The following CLVS1 variants were observed in gnomAD, a reference collection of about 807,000 sequenced individuals.
CLVS1 encodes clavesin 1.
Under a neutral mutation model 33.1 loss-of-function variants are expected in CLVS1, and 10 were observed. The ratio of observed to expected loss-of-function variants is 0.30; its 90% CI spans 0.19 to 0.51. The LOEUF is 0.51. CLVS1 is among the 20% of genes least tolerant of loss of function. The probability of loss-of-function intolerance (pLI) is 0.97; values close to 1 mark genes in which losing one functional copy is unlikely to be tolerated. For missense variants in CLVS1, 343 were observed against 433.4 expected, an observed-to-expected ratio of 0.79 and a Z score of 1.85; for synonymous variants, 163 against 166.1, an observed-to-expected ratio of 0.98 and a Z score of 0.14.
At chr8:61,469,078 G>A (rs973811530) in intron 5 of CLVS1, among the ~76,000 whole-genome samples, 1 of 152,178 alleles carries the variant, frequency 6.6e-6, no homozygotes, top group African/African-American at 2.4e-5. Context: ...CCAGGAGAGA[G>A]CAATGGCCAG....
chr8:61,219,399 T>G (rs1808162906), intron 2 of CLVS1, among the ~76,000 whole-genome samples: 1 of 152,194 alleles, frequency 6.6e-6, no homozygotes, highest in African/African-American at 2.4e-5. Flanking sequence ...ACATGTGGTG[T>G]TTGATTTTCT....
chr8:61,261,975 C>G, intron 2 of CLVS1, among the ~76,000 whole-genome samples: 1 of 111,054 alleles, frequency 9.0e-6, no homozygotes, highest in African/African-American at 3.3e-5. Flanking sequence ...CTCATTGCTG[C>G]GTGTGTGTGT....
chr8:61,059,703 C>G (rs527588376), intron 1 of CLVS1, among the ~76,000 whole-genome samples: 8 of 150,580 alleles, frequency 5.3e-5, no homozygotes, highest in African/African-American at 2.0e-4. Context: ...CCCAGCTACT[C>G]GGGAGGCTGA....
intron 5 of CLVS1, among the ~76,000 whole-genome samples, chr8:61,481,245 GTTCCAAGATGGCTAAATATGAGCAGC>G (rs1554579476): frequency 2.6e-5 from 4 of 152,128 alleles, no homozygotes; most frequent in Non-Finnish European, 5.9e-5. Context: ...ATAGGGGGAG[GTTCCAAGATGGCTAAATATGAGCAGC>G]TCCAGTCTGC....
At chr8:61,489,401 T>G (rs1803993117) in intron 5 of CLVS1, among the ~76,000 whole-genome samples, 1 of 152,212 alleles carries the variant, frequency 6.6e-6, no homozygotes. Flanking sequence ...CCGTTCTAGT[T>G]CCACAACTTA....
intron 3 of CLVS1, among the ~76,000 whole-genome samples, chr8:61,421,038 G>C (rs1815642739): frequency 6.6e-6 from 1 of 152,146 alleles, no homozygotes; most frequent in South Asian, 2.1e-4. Context: ...TATGCAAGTT[G>C]AGAGAAATAG....
chr8:61,253,206 T>C (rs371171874), intron 2 of CLVS1, among the ~76,000 whole-genome samples: 3 of 152,168 alleles, frequency 2.0e-5, no homozygotes, highest in Non-Finnish European at 4.4e-5. Flanking sequence ...ATATGAAATT[T>C]TGGGTTGAAA....
intron 2 of CLVS1, among the ~76,000 whole-genome samples, chr8:61,235,449 G>A (rs1383128127): frequency 6.6e-6 from 1 of 152,180 alleles, no homozygotes; most frequent in Non-Finnish European, 1.5e-5. Context: ...TACAATTAAA[G>A]CTCAAGAAAA....
the CLVS1 span, among the ~76,000 whole-genome samples, chr8:60,971,683 C>T: frequency 6.6e-6 from 1 of 152,118 alleles, no homozygotes; most frequent in Non-Finnish European, 1.5e-5. Context: ...TGAGGAATCC[C>T]TGAGTGAGTT....
At chr8:61,255,033 C>T (rs558058037) in intron 2 of CLVS1, among the ~76,000 whole-genome samples, 49 of 152,300 alleles carry the variant, frequency 3.2e-4, no homozygotes, top group Admixed American at 1.4e-3. Context: ...TGTTCCTATT[C>T]GGCCATCTTG....
At chr8:61,120,705 C>T (rs962020553) in intron 1 of CLVS1, among the ~76,000 whole-genome samples, 3 of 140,884 alleles carry the variant, frequency 2.1e-5, no homozygotes, top group African/African-American at 8.2e-5. Context: ...GGTCAGGGAC[C>T]CACTTGAGGA....
At chr8:61,354,926 T>C (rs1244927335) in intron 2 of CLVS1, among the ~76,000 whole-genome samples, 2 of 152,134 alleles carry the variant, frequency 1.3e-5, no homozygotes, top group African/African-American at 2.4e-5. Flanking sequence ...TCAGATAAAA[T>C]TGTATAGAAC....
At chr8:61,110,701 C>T (rs761825342) in intron 1 of CLVS1, among the ~76,000 whole-genome samples, 3 of 152,126 alleles carry the variant, frequency 2.0e-5, no homozygotes, top group Non-Finnish European at 2.9e-5. Context: ...ATCTCCATTT[C>T]CTGCCTCCCC....
chr8:61,239,360 G>T (rs1808644169), intron 2 of CLVS1, among the ~76,000 whole-genome samples: 1 of 152,118 alleles, frequency 6.6e-6, no homozygotes, highest in Non-Finnish European at 1.5e-5. Context: ...TTCTTTTATT[G>T]TTGTTGTGCT....
chr8:61,284,026 C>T (rs1809726711), upstream of CLVS1, among the ~76,000 whole-genome samples: 1 of 152,112 alleles, frequency 6.6e-6, no homozygotes, highest in Non-Finnish European at 1.5e-5. Context: ...CAATGGAATA[C>T]TATTTACCTG....
chr8:61,273,074 T>TTA (rs1487975392), intron 2 of CLVS1, among the ~76,000 whole-genome samples: 1 of 150,964 alleles, frequency 6.6e-6, no homozygotes, highest in Admixed American at 6.6e-5. Flanking sequence ...GCTCTGCTTT[T>TTA]TAGAGTTTCC....
intron 1 of CLVS1, among the ~76,000 whole-genome samples, chr8:61,066,929 C>G (rs1804693396): frequency 6.6e-6 from 1 of 152,134 alleles, no homozygotes; most frequent in Non-Finnish European, 1.5e-5. Context: ...GCTGTCATAA[C>G]TAACACGGCT....
intron 1 of CLVS1, among the ~76,000 whole-genome samples, chr8:61,096,482 A>G (rs1213000960): frequency 6.6e-6 from 1 of 152,272 alleles, no homozygotes; most frequent in African/African-American, 2.4e-5. Context: ...ATTCTGTAGG[A>G]AAAATGATTC....
rs370097191 is a variant in CLVS1 at position 61,071,996 on chromosome 8, A to G, written c.-243+14766A>G. On this transcript the variant is annotated intron_variant, in intron 1 of 2. Coordinates refer to the CLVS1 transcript ENST00000522621. The stretch of plus-strand genomic sequence containing the variant: ...AAGAGAGCCCCTGTGAGGGCACATC[A>G]AAGTGTCAAGGGAGGCATCTGAGTC... Among the ~76,000 whole-genome samples the G allele has an allele frequency of 2.6e-4, 40 of 152,320 alleles. No individual in the cohort carries two copies. The East Asian group carries it at 7.3e-3, about 28-fold the overall frequency.
Sources: allele counts gnomAD v4.1 joint callset (sites outside exome capture counted in the v4.1 genomes callset), GRCh38; gene constraint gnomAD v4.1.1; transcripts MANE v1.5; gene names NCBI Gene and HGNC (gene_info 2026-07-23, HGNC 2026-07-21).